The following ZFP57 variants were observed in gnomAD, a reference collection of about 807,000 sequenced individuals.
The protein encoded by ZFP57 is ZFP57 zinc finger protein.
Under a neutral mutation model 15.8 loss-of-function variants are expected in ZFP57, and 12 were observed. The observed-to-expected ratio is 0.76, with a 90% confidence interval of 0.49 to 1.23. ZFP57 has a LOEUF of 1.23. Among genes scored for constraint, ZFP57 ranks in the 50% most tolerant of loss-of-function variants. The pLI is 0.00. For missense variants in ZFP57, 536 were observed against 654.9 expected, an observed-to-expected ratio of 0.82 and a Z score of 1.98; for synonymous variants, 203 against 242.3, an observed-to-expected ratio of 0.84 and a Z score of 1.51.
chr6:29,676,404 C>T (rs1772073525), intron 2 of ZFP57, among the ~76,000 whole-genome samples: 3 of 151,770 alleles, frequency 2.0e-5, no homozygotes, highest in Non-Finnish European at 2.9e-5. Context: ...GGCATGGTGG[C>T]GCATGCCTGT....
intron 2 of ZFP57, among the ~76,000 whole-genome samples, chr6:29,676,678 C>T (rs764113281): frequency 1.7e-4 from 26 of 152,092 alleles, no homozygotes; most frequent in Admixed American, 4.6e-4. Flanking sequence ...AATGCTGCCA[C>T]TCTAACAAAT....
Position 29,672,546 on chromosome 6 carries a change from T to C in ZFP57, c.1565A>G (p.Lys522Arg). ...RRRGLREKAC[K>R]GDKTKEAVSI... ...CACTGCCTCCTTTGTTTTGTCTCCTTTGCAGGCCTTCTCTCTTAGGCCTCT... is the reference window on the plus strand; with the variant it reads ...CACTGCCTCCTTTGTTTTGTCTCCTCTGCAGGCCTTCTCTCTTAGGCCTCT... Residue 522 changes from lysine (K) to arginine (R), a missense_variant, in exon 5 of 5, where the codon AAA becomes AGA. By Grantham distance (26) the Lys-to-Arg change is conservative (BLOSUM62 2). Coordinates refer to ENST00000376883, the MANE Select transcript of ZFP57 (RefSeq NM_001109809.5). 1 of 1,613,028 alleles carries C rather than the reference T, an allele frequency of 6.2e-7. No homozygotes were observed. The highest frequency in any genetic ancestry group is 8.5e-7 in the Non-Finnish European group (1 of 1,180,022).
At chr6:29,678,691 C>T (rs1772190907) in intron 1 of ZFP57, among the ~76,000 whole-genome samples, 1 of 152,058 alleles carries the variant, frequency 6.6e-6, no homozygotes, top group Admixed American at 6.6e-5. Context: ...CTTACCATGC[C>T]TAATTTGTAA....
chr6:29,676,256 G>T (rs908572784), intron 2 of ZFP57, among the ~76,000 whole-genome samples, 197 bp from the exon 3 acceptor site: 8 of 152,066 alleles, frequency 5.3e-5, no homozygotes, highest in African/African-American at 1.7e-4. Context: ...AAGGAAAGGA[G>T]GCCGGACGCG....
chr6:29,674,227 C>A lies in ZFP57; in HGVS notation c.353-469G>T, dbSNP rs137911139. 2.2e-3 allele frequency among the ~76,000 whole-genome samples: 319 copies of A among 144,420 alleles called. 1 individual carries two copies. Among genetic ancestry groups the A allele is most frequent in the African/African-American group, 7.7e-3 (288 of 37,622 alleles). The allele number at this position is 144,420 out of a possible 152,430, so 94.7% of individuals were successfully genotyped here. ...AAAGAAAAGAAGAAGAAGAAGAAGACGAAGACGAAGAAGAAGAAGAAGAGG... is the reference window on the plus strand; with the variant it reads ...AAAGAAAAGAAGAAGAAGAAGAAGAAGAAGACGAAGAAGAAGAAGAAGAGG... On this transcript the variant is annotated intron_variant, in intron 4 of 4. Coordinates refer to ENST00000376883, the MANE Select transcript of ZFP57 (RefSeq NM_001109809.5).
chr6:29,679,825 G>C (rs373197075), intron 1 of ZFP57, among the ~76,000 whole-genome samples: 1 of 152,120 alleles, frequency 6.6e-6, no homozygotes, highest in Non-Finnish European at 1.5e-5. Flanking sequence ...CAGAGGTTGC[G>C]GTGAGCGGAG....
intron 1 of ZFP57, among the ~76,000 whole-genome samples, chr6:29,679,556 T>C (rs1338770352): frequency 6.6e-6 from 1 of 152,176 alleles, no homozygotes; most frequent in Non-Finnish European, 1.5e-5. Flanking sequence ...ATGCAGATCT[T>C]GGATTATTCT....
chr6:29,676,090 A>G, intron 2 of ZFP57, 31 bp from the exon 3 acceptor site: 2 of 1,302,112 alleles, frequency 1.5e-6, no homozygotes, highest in South Asian at 1.3e-5. Context: ...CAAGAAGTTT[A>G]TATAAATATA....
chr6:29,677,768 T>TACATACATACACACACACACAC (rs71550149), intron 1 of ZFP57, among the ~76,000 whole-genome samples: 2 of 149,516 alleles, frequency 1.3e-5, no homozygotes, highest in South Asian at 2.1e-4. Flanking sequence ...ACCAAAATTA[T>TACATACATACACACACACACAC]ACACACACAC....
At chr6:29,675,661 G>A (rs868058722) in intron 3 of ZFP57, among the ~76,000 whole-genome samples, 174 bp from the exon 4 acceptor site, 2 of 152,168 alleles carry the variant, frequency 1.3e-5, no homozygotes, top group South Asian at 4.1e-4. Context: ...CTGGTTCTCA[G>A]GAGTGACTTA....
chr6:29,674,295 A>G (rs1422839606), intron 4 of ZFP57, among the ~76,000 whole-genome samples: 1 of 152,038 alleles, frequency 6.6e-6, no homozygotes, highest in African/African-American at 2.4e-5. Context: ...AGCCTAACAC[A>G]CTTCTTGTCT....
chr6:29,678,416 G>T (rs1738378889), intron 1 of ZFP57, among the ~76,000 whole-genome samples: 1 of 152,208 alleles, frequency 6.6e-6, no homozygotes, highest in Non-Finnish European at 1.5e-5. Flanking sequence ...TATAGCAGTT[G>T]CCTGTGCTCA....
intron 1 of ZFP57, among the ~76,000 whole-genome samples, chr6:29,679,092 C>G (rs1772209201): frequency 6.6e-6 from 1 of 152,210 alleles, no homozygotes; most frequent in African/African-American, 2.4e-5. Flanking sequence ...ATAAGGGGAA[C>G]CACTGTATAT....
chr6:29,678,341 A>C (rs1772175841), intron 1 of ZFP57, among the ~76,000 whole-genome samples: 1 of 152,254 alleles, frequency 6.6e-6, no homozygotes, highest in Admixed American at 6.5e-5. Flanking sequence ...TCCACACTGC[A>C]GACAATACCT....
chr6:29,680,273 T>G (rs564552504), intron 1 of ZFP57, among the ~76,000 whole-genome samples: 100 of 152,266 alleles, frequency 6.6e-4, no homozygotes, highest in Middle Eastern at 3.4e-3. Flanking sequence ...TCTGAGGGAA[T>G]GTGTCGTCGC....
At chr6:29,674,023 G>T (rs927331994) in intron 4 of ZFP57, among the ~76,000 whole-genome samples, 7 of 151,968 alleles carry the variant, frequency 4.6e-5, no homozygotes, top group Non-Finnish European at 7.4e-5. Context: ...GAACCCGGGA[G>T]GCGGAGGTTG....
chr6:29,676,098 ATATATGTGTGTG>A, intron 2 of ZFP57, 39 bp from the exon 3 acceptor site: 2 of 1,298,386 alleles, frequency 1.5e-6, no homozygotes, highest in Non-Finnish European at 2.2e-6. Context: ...TTATATAAAT[ATATATGTGTGTG>A]TGTGTGTGTG....
chr6:29,678,686 C>T (rs889302357), intron 1 of ZFP57, among the ~76,000 whole-genome samples: 2 of 152,074 alleles, frequency 1.3e-5, no homozygotes, highest in African/African-American at 4.8e-5. Context: ...AATCTCTTAC[C>T]ATGCCTAATT....
intron 1 of ZFP57, among the ~76,000 whole-genome samples, chr6:29,679,438 T>C (rs1436520102): frequency 6.6e-6 from 1 of 152,238 alleles, no homozygotes; most frequent in African/African-American, 2.4e-5. Context: ...GAAAGGTGCA[T>C]TCCTGGGATA....
Sources: gnomAD v4.1 joint callset for allele counts (sites outside exome capture counted in the v4.1 genomes callset) on GRCh38, gnomAD v4.1.1 for gene constraint, MANE v1.5 for transcripts, NCBI Gene and HGNC (gene_info 2026-07-23, HGNC 2026-07-21) for gene names.